Variants in H2AJ observed in about 807,000 individuals in gnomAD.
H2AJ encodes H2A.J histone.
Under a neutral mutation model 7.9 loss-of-function variants are expected in H2AJ, and 3 were observed. The observed-to-expected ratio is 0.38, with a 90% CI of 0.17 to 0.98. H2AJ has a LOEUF of 0.98. Ranked by LOEUF, H2AJ falls within the 50% of genes least tolerant of loss-of-function variation. H2AJ has a pLI of 0.39. For missense variants in H2AJ, 128 were observed against 174.4 expected (o/e 0.73, Z 1.50); for synonymous variants, 98 against 85.7 (o/e 1.14, Z -0.79).
chr12:14,775,198 G>A (rs891363609), downstream of H2AJ: 2 of 485,984 alleles, frequency 4.1e-6, no homozygotes, highest in Non-Finnish European at 8.3e-6. Context: ...AGGTGGGCAG[G>A]GTGGAAGCCA....
downstream of H2AJ, chr12:14,775,330 A>C: frequency 2.1e-6 from 1 of 471,544 alleles, no homozygotes; most frequent in Non-Finnish European, 4.4e-6. Flanking sequence ...ACTCAGGACC[A>C]AGTTCTGGGA....
downstream of H2AJ, chr12:14,775,139 G>A (rs1263637405): frequency 1.9e-6 from 1 of 514,824 alleles, no homozygotes; most frequent in African/African-American, 1.9e-5. Flanking sequence ...CACTCTGGAC[G>A]GCTTTAGTCC....
chr12:14,776,216 C>G (rs1243504248), downstream of H2AJ: 1 of 167,052 alleles, frequency 6.0e-6, no homozygotes, highest in Admixed American at 6.5e-5. Flanking sequence ...TTTATTTTGT[C>G]CCCAGTATTT....
chr12:14,774,821 G>T lies in H2AJ; in HGVS notation c.351G>T (p.Leu117=), dbSNP rs765626530. ...TGCCCAACATCCAGGCCGTGCTGCT[G>T]CCCAAGAAGACGGAGAGTCAGAAGA... ...GVLPNIQAVL[L]PKKTESQKTK... The change falls in exon 1 of 1, where the codon CTG becomes CTT. Residue 117 remains leucine (L), a synonymous_variant. Transcript: ENST00000544848. 5.0e-6 allele frequency: 8 copies of T among 1,614,216 alleles called. No homozygotes were observed. The highest frequency in any genetic ancestry group is 1.7e-4 in the Middle Eastern group (1 of 6,060).
At chr12:14,775,411 A>C, downstream of H2AJ, 1 of 471,160 alleles carries the variant, frequency 2.1e-6, no homozygotes, top group South Asian at 1.5e-5. Flanking sequence ...AAGTGGAGTA[A>C]CTTTCCGTCT....
At chr12:14,775,096 C>T, downstream of H2AJ, 2 of 571,398 alleles carry the variant, frequency 3.5e-6, no homozygotes, top group East Asian at 6.4e-5. Flanking sequence ...ACCGGGAAAC[C>T]CCTGGAGCAG....
rs968150997 is a variant in H2AJ at position 14,774,918 on chromosome 12, C to T, written c.*58C>T. On this transcript the variant is annotated 3_prime_UTR_variant, in exon 1 of 1. Transcript: ENST00000544848. ...CAGCAAAGGCCCTTTTCATGGTCGT[C>T]CCGCAATGCTTTTGAATGTGCTGGA... 1.3e-6 allele frequency: 2 copies of T among 1,563,484 alleles called. No individual in the cohort carries two copies. The highest frequency in any genetic ancestry group is 1.7e-6 in the Non-Finnish European group (2 of 1,152,216).
chr12:14,777,142 C>A (rs982045185), downstream of H2AJ: 2 of 166,916 alleles, frequency 1.2e-5, no homozygotes, highest in African/African-American at 4.8e-5. Flanking sequence ...AATGCATACT[C>A]CTACAAAATC....
downstream of H2AJ, chr12:14,775,205 G>A: frequency 2.1e-6 from 1 of 484,482 alleles, no homozygotes; most frequent in South Asian, 1.6e-5. Context: ...CAGGGTGGAA[G>A]CCACCTCGCT....
chr12:14,775,566 A>T, downstream of H2AJ: 1 of 380,758 alleles, frequency 2.6e-6, no homozygotes, highest in Non-Finnish European at 5.4e-6. Flanking sequence ...AACGTTCAAT[A>T]AGTGAGTCAT....
downstream of H2AJ, chr12:14,776,711 A>C (rs1434363682): frequency 6.0e-6 from 1 of 167,092 alleles, no homozygotes; most frequent in Admixed American, 6.5e-5. Context: ...ACTTTTTAAA[A>C]AATGCCTCAT....
rs1398981443 is a variant in H2AJ at position 14,774,529 on chromosome 12, C to T, written c.59C>T (p.Ser20Phe). ...KVRAKAKSRS[S>F]RAGLQFPVGR... is the part of the protein sequence containing the mutation. ...CGAGCAAAGGCCAAATCCCGCTCCT[C>T]CCGCGCGGGCCTGCAGTTCCCGGTG... Residue 20 changes from serine to phenylalanine, a missense_variant, in exon 1 of 1, where the codon TCC becomes TTC. Coordinates refer to ENST00000544848, the MANE Select transcript of H2AJ (RefSeq NM_177925.5). 4 of 1,608,576 alleles carry T rather than the reference C, an allele frequency of 2.5e-6. No individual in the cohort carries two copies. The highest frequency in any genetic ancestry group is 2.7e-5 in the African/African-American group (2 of 74,572).
downstream of H2AJ, chr12:14,775,626 G>A (rs972332670): frequency 8.6e-6 from 3 of 348,270 alleles, no homozygotes; most frequent in East Asian, 1.6e-4. Flanking sequence ...ACATTGCAGC[G>A]CCTTTAGTCG....
At position 14,774,866 on chromosome 12, in the gene H2AJ, A is replaced by C. The variant is rs367694903; in HGVS notation, c.*6A>C. 48 of 1,612,104 alleles carry C rather than the reference A, an allele frequency of 3.0e-5. No homozygotes were observed. Among genetic ancestry groups the C allele is most frequent in the Non-Finnish European group, 4.0e-5 (47 of 1,179,090 alleles). ...AGAAGACGAAGAGCAAATGACCCTG[A>C]CGCCGCCCTCAGGGAGCTGGCTCCC... On this transcript the variant is annotated 3_prime_UTR_variant, in exon 1 of 1. Coordinates refer to ENST00000544848, the MANE Select transcript of H2AJ (RefSeq NM_177925.5).
chr12:14,777,326 A>G (rs1949654213), downstream of H2AJ: 1 of 166,822 alleles, frequency 6.0e-6, no homozygotes, highest in Admixed American at 6.6e-5. Context: ...AGTTTTATTT[A>G]CACACAAACA....
Position 14,774,647 on chromosome 12 carries a change from T to A in H2AJ, c.177T>A (p.Leu59=). Residue 59 remains leucine (L), a synonymous_variant, in exon 1 of 1, where the codon CTT becomes CTA. Coordinates refer to ENST00000544848, the MANE Select transcript of H2AJ (RefSeq NM_177925.5). ...PVYLAAVLEY[L]TAEILELAGN... ...ACCTGGCGGCGGTGTTGGAGTACCT[T>A]ACGGCGGAGATCCTGGAGCTGGCTG... 1 of 1,614,084 alleles carries A rather than the reference T, an allele frequency of 6.2e-7. No individual in the cohort carries two copies. Among genetic ancestry groups the A allele is most frequent in the Non-Finnish European group, 8.5e-7 (1 of 1,180,008 alleles).
At chr12:14,777,469 T>C (rs1265400356), downstream of H2AJ, 1 of 167,078 alleles carries the variant, frequency 6.0e-6, no homozygotes, top group Non-Finnish European at 1.5e-5. Flanking sequence ...CTGGTCTGTT[T>C]AGTTGTGCCT....
Position 14,774,709 on chromosome 12 carries a change from T to C in H2AJ, c.239T>C (p.Ile80Thr). The change falls in exon 1 of 1, where the codon ATT becomes ACT. Residue 80 changes from isoleucine (I) to threonine (T), a missense_variant. Ile to Thr is a moderately conservative substitution (Grantham distance 89). Coordinates refer to ENST00000544848, the MANE Select transcript of H2AJ (RefSeq NM_177925.5). Reference sequence around the variant, plus strand: ...CGTGACAACAAGAAGACCAGGATAATTCCCCGCCACCTGCAGCTCGCCATC... The same window carrying C: ...CGTGACAACAAGAAGACCAGGATAACTCCCCGCCACCTGCAGCTCGCCATC... ...AARDNKKTRI[I>T]PRHLQLAIRN... 1 of 1,614,170 alleles carries C rather than the reference T, an allele frequency of 6.2e-7. No individual in the cohort carries two copies. The highest frequency in any genetic ancestry group is 8.5e-7 in the Non-Finnish European group (1 of 1,180,032).
Position 14,774,957 on chromosome 12 carries a change from C to G in H2AJ, c.*97C>G, listed in dbSNP as rs1949613826. 7.2e-7 allele frequency: 1 copy of G among 1,383,714 alleles called. No individual in the cohort carries two copies. The highest frequency in any genetic ancestry group is 2.4e-5 in the Admixed American group (1 of 41,644). The allele number at this position is 1,383,714 out of a possible 1,614,324, so 85.7% of individuals were successfully genotyped here. ...GAATGTGCTGGATGTCATGGAGGGC[C>G]GGTGACATCTAGCGGGGAGGTGGGC... On this transcript the variant is annotated 3_prime_UTR_variant, in exon 1 of 1. Transcript: ENST00000544848.
Sources: gnomAD v4.1 joint callset for allele counts on GRCh38, gnomAD v4.1.1 for gene constraint, MANE v1.5 for transcripts, NCBI Gene and HGNC (gene_info 2026-07-23, HGNC 2026-07-21) for gene names.